The following NRG3 variants were observed in gnomAD, a reference collection of about 807,000 sequenced individuals.
The protein encoded by NRG3 is neuregulin 3.
Under a neutral mutation model 66.9 loss-of-function variants are expected in NRG3, and 31 were observed. The ratio of observed to expected loss-of-function variants is 0.46; its 90% CI spans 0.35 to 0.63. The LOEUF (loss-of-function observed/expected upper bound fraction) is 0.63. NRG3 is among the 20% of genes least tolerant of loss of function. The pLI, the probability that NRG3 is intolerant of heterozygous loss-of-function variation, is 0.00. For missense variants in NRG3, 910 were observed against 878.9 expected, an observed-to-expected ratio of 1.04 and a Z score of -0.45; for synonymous variants, 393 against 359.4, an observed-to-expected ratio of 1.09 and a Z score of -1.06.
At position 82,765,561 on chromosome 10, in the gene NRG3, A is replaced by G. The variant is rs74667753; in HGVS notation, c.1027+26911A>G. ...ATTCATTAAATTAACACTATTTTCC[A>G]GGAGAAGTGACAAATACCAAAGGTA... On this transcript the variant is annotated intron_variant, in intron 3 of 8. Coordinates refer to ENST00000372141, the MANE Select transcript of NRG3 (RefSeq NM_001010848.4). Among the ~76,000 whole-genome samples, 250 of 152,292 alleles carry G rather than the reference A, an allele frequency of 1.6e-3. 8 individuals are homozygous for G. In the East Asian group the frequency reaches 0.046, roughly 28 times the overall value.
intron 3 of NRG3, among the ~76,000 whole-genome samples, chr10:82,784,746 C>A (rs2060271476): frequency 6.6e-6 from 1 of 152,066 alleles, no homozygotes; most frequent in African/African-American, 2.4e-5. Flanking sequence ...AACACTTTTA[C>A]ACTGTTGGTG....
At position 81,976,048 on chromosome 10, in the gene NRG3, A is replaced by G. The variant is rs532479675; in HGVS notation, c.823+99885A>G. Among the ~76,000 whole-genome samples, 13 of 152,316 alleles carry G rather than the reference A, an allele frequency of 8.5e-5. No individual in the cohort carries two copies. The South Asian group carries it at 2.1e-3, about 24-fold the overall frequency. On this transcript the variant is annotated intron_variant, in intron 1 of 8. Transcript: ENST00000372141. ...TCTGTTACAACCTGATTTTAGCCCA[A>G]TTAGACACATTTTAGATTTAATACC...
chr10:82,694,434 G>T (rs965910866), intron 2 of NRG3, among the ~76,000 whole-genome samples: 1 of 152,144 alleles, frequency 6.6e-6, no homozygotes, highest in African/African-American at 2.4e-5. Flanking sequence ...TCACGTGTTT[G>T]TGTGTGTGTT....
intron 3 of NRG3, among the ~76,000 whole-genome samples, chr10:82,843,800 G>A (rs2063176890): frequency 6.6e-6 from 1 of 152,240 alleles, no homozygotes; most frequent in South Asian, 2.1e-4. Context: ...AATGAGCAGC[G>A]AGATGCAAGG....
At chr10:81,933,107 C>CAAAAAAAA (rs769607380) in intron 1 of NRG3, among the ~76,000 whole-genome samples, 2 of 59,498 alleles carry the variant, frequency 3.4e-5, no homozygotes, top group Non-Finnish European at 7.7e-5. Context: ...CGCTCCATCT[C>CAAAAAAAA]AAAAAAAAAA....
In NRG3 at chr10:82,867,873, T is replaced by C. The variant is rs918271338; in HGVS notation, c.1054+2436T>C. ...TGAGAAGGGCACACAATTTGTACCCTCCTCATTCGCTAATGATGGCAGTGA... is the reference window on the plus strand; with the variant it reads ...TGAGAAGGGCACACAATTTGTACCCCCCTCATTCGCTAATGATGGCAGTGA... On this transcript the variant is annotated intron_variant, in intron 4 of 8. Transcript: ENST00000372141. Among the ~76,000 whole-genome samples, 37 of 152,244 alleles carry C rather than the reference T, an allele frequency of 2.4e-4. 1 individual carries two copies. The highest frequency in any genetic ancestry group is 1.4e-3 in the Admixed American group (22 of 15,294).
intron 3 of NRG3, among the ~76,000 whole-genome samples, chr10:82,820,908 C>T (rs1233826195): frequency 1.3e-5 from 2 of 152,148 alleles, no homozygotes; most frequent in African/African-American, 4.8e-5. Context: ...CCCTTGCTTT[C>T]ATTCAGTTTT....
chr10:82,234,621 A>G (rs576561958), intron 1 of NRG3, among the ~76,000 whole-genome samples: 2 of 152,350 alleles, frequency 1.3e-5, no homozygotes, highest in East Asian at 3.9e-4. Flanking sequence ...ATTTGTTACA[A>G]TATTTTATTC....
chr10:81,993,994 T>C (rs995236543), intron 1 of NRG3, among the ~76,000 whole-genome samples: 35 of 152,210 alleles, frequency 2.3e-4, no homozygotes, highest in African/African-American at 8.0e-4. Flanking sequence ...TTCCTATTGT[T>C]GTTTCCAAAG....
intron 1 of NRG3, among the ~76,000 whole-genome samples, chr10:82,293,188 G>C (rs1301118471): frequency 1.3e-5 from 2 of 152,156 alleles, no homozygotes; most frequent in Admixed American, 6.5e-5. Context: ...CTCCGTCCCA[G>C]ATGGTCTACG....
At chr10:82,974,956 A>G (rs1852114169) in intron 7 of NRG3, among the ~76,000 whole-genome samples, 1 of 152,152 alleles carries the variant, frequency 6.6e-6, no homozygotes, top group African/African-American at 2.4e-5. Flanking sequence ...CTTCATGGTA[A>G]TTTTTATTCT....
chr10:82,755,188 G>A (rs775973602), intron 3 of NRG3, among the ~76,000 whole-genome samples: 1 of 151,962 alleles, frequency 6.6e-6, no homozygotes, highest in Non-Finnish European at 1.5e-5. Flanking sequence ...AGTAAACAAG[G>A]CTCCTGTTTA....
intron 2 of NRG3, among the ~76,000 whole-genome samples, chr10:82,587,736 T>C (rs973932876): frequency 6.6e-6 from 1 of 152,178 alleles, no homozygotes; most frequent in African/African-American, 2.4e-5. Context: ...GTTCTCTGTT[T>C]AGAGTCAGTA....
At chr10:82,734,741 G>A (rs925691339) in intron 2 of NRG3, among the ~76,000 whole-genome samples, 6 of 152,120 alleles carry the variant, frequency 3.9e-5, no homozygotes, top group African/African-American at 1.4e-4. Context: ...TCCAGGCCAA[G>A]TGCAGTGGCT....
chr10:82,055,483 A>G (rs1169412300), intron 1 of NRG3, among the ~76,000 whole-genome samples: 3 of 151,872 alleles, frequency 2.0e-5, no homozygotes, highest in Non-Finnish European at 4.4e-5. Context: ...TCTCAAAAAA[A>G]AAAAAAAAAG....
At chr10:82,369,544 C>A (rs1023857319) in intron 2 of NRG3, among the ~76,000 whole-genome samples, 3 of 138,218 alleles carry the variant, frequency 2.2e-5, no homozygotes, top group Admixed American at 6.8e-5. Flanking sequence ...AAGTGATCCT[C>A]CTTCCTTGGC....
chr10:82,802,912 T>A lies in NRG3; in HGVS notation c.1028-62499T>A, dbSNP rs1449086151. The stretch of plus-strand genomic sequence containing the variant: ...CTGGTCTCAAAATCCTGGGCTCAAA[T>A]GATTCACCTGTCTTGGCTCCCAGAG... On this transcript the variant is annotated intron_variant, in intron 3 of 8. Transcript: ENST00000372141. 5.9e-5 allele frequency among the ~76,000 whole-genome samples: 9 copies of A among 152,322 alleles called. No homozygotes were observed. In the East Asian group the frequency reaches 1.4e-3, roughly 23 times the overall value.
Position 82,944,783 on chromosome 10 carries a change from G to A in NRG3, c.1055-6686G>A, listed in dbSNP as rs543189120. ...AACCCTAAGAAGAGAGAAAATGTTC[G>A]AAAACATTTGTTCCCAACATAATTC... is the stretch of plus-strand genomic sequence containing the variant. On this transcript the variant is annotated intron_variant, in intron 4 of 8. Coordinates refer to ENST00000372141, the MANE Select transcript of NRG3 (RefSeq NM_001010848.4). 7.2e-5 allele frequency among the ~76,000 whole-genome samples: 11 copies of A among 152,208 alleles called. No individual in the cohort carries two copies. The South Asian group carries it at 1.0e-3, about 14-fold the overall frequency.
intron 1 of NRG3, among the ~76,000 whole-genome samples, chr10:82,124,868 A>G (rs1341344828): frequency 6.6e-6 from 1 of 151,980 alleles, no homozygotes; most frequent in Non-Finnish European, 1.5e-5. Flanking sequence ...GCAAAACATC[A>G]TATCATCTAA....
Sources: gnomAD v4.1 joint callset for allele counts (sites outside exome capture counted in the v4.1 genomes callset) on GRCh38, gnomAD v4.1.1 for gene constraint, MANE v1.5 for transcripts, NCBI Gene and HGNC (gene_info 2026-07-23, HGNC 2026-07-21) for gene names.